The following AP3D1 variants were observed in gnomAD, a reference collection of about 807,000 sequenced individuals.
The protein encoded by AP3D1 is adaptor related protein complex 3 subunit delta 1.
Under a neutral mutation model 147.6 loss-of-function variants are expected in AP3D1, and 51 were observed. The ratio of observed to expected loss-of-function variants is 0.35; its 90% confidence interval spans 0.28 to 0.44. The LOEUF (loss-of-function observed/expected upper bound fraction) is 0.44, where lower values mean the gene tolerates loss of function less well. Among genes scored for constraint, AP3D1 ranks in the 20% least tolerant of loss-of-function variants. The probability of loss-of-function intolerance (pLI) is 1.00; values close to 1 mark genes in which losing one functional copy is unlikely to be tolerated. For synonymous variants in AP3D1, 760 were observed against 663.0 expected, an observed-to-expected ratio of 1.15 and a Z score of -2.25; for missense variants, 1,421 against 1,624.2, an observed-to-expected ratio of 0.87 and a Z score of 2.15.
intron 31 of AP3D1, among the ~76,000 whole-genome samples, chr19:2,106,754 G>A (rs1159269249): frequency 6.6e-6 from 1 of 152,164 alleles, no homozygotes; most frequent in Non-Finnish European, 1.5e-5. Context: ...AGGCTGCGAT[G>A]TGGATGCACC....
chr19:2,146,858 G>C (rs934913115), intron 1 of AP3D1, among the ~76,000 whole-genome samples: 8 of 152,110 alleles, frequency 5.3e-5, no homozygotes, highest in Non-Finnish European at 1.0e-4. Context: ...AGACATTCTG[G>C]TCTGGGCACA....
chr19:2,111,059 G>A, intron 26 of AP3D1, 163 bp from the exon 27 acceptor site: 1 of 927,086 alleles, frequency 1.1e-6, no homozygotes, highest in Non-Finnish European at 1.6e-6. Context: ...TCCTATGGCT[G>A]CTCTTTGAGT....
chr19:2,152,380 T>C (rs193134224), upstream of AP3D1, among the ~76,000 whole-genome samples: 4 of 151,650 alleles, frequency 2.6e-5, no homozygotes, highest in South Asian at 2.1e-4. Context: ...CTGTCTCTAC[T>C]AAAAATACAA....
At chr19:2,132,076 C>G (rs541551780) in intron 5 of AP3D1, among the ~76,000 whole-genome samples, 1 of 152,210 alleles carries the variant, frequency 6.6e-6, no homozygotes, top group South Asian at 2.1e-4. Flanking sequence ...CTGTCACAGC[C>G]GGGGGCGTAG....
Position 2,120,946 on chromosome 19 carries a change from GC to G in AP3D1, c.1396del (p.Ala466HisfsTer139), listed in dbSNP as rs750659514. ...CTGGGTGCTGCTGGCCAGCAGGTGT[GC>G]ACTGTCAAGCAGCGCAGACATCTGG... is the stretch of plus-strand genomic sequence containing the variant. The part of the protein sequence containing the change: ...VSQMSALLDS[A>X]HLLASSTQRN... On this transcript the variant is annotated frameshift_variant, in exon 14 of 32. Coordinates refer to ENST00000643116, the MANE Select transcript of AP3D1 (RefSeq NM_001261826.3). LOFTEE classifies it high-confidence loss of function. 1 of 1,612,012 alleles carries G rather than the reference GC, an allele frequency of 6.2e-7. No homozygotes were observed. Among genetic ancestry groups the G allele is most frequent in the Admixed American group, 1.7e-5 (1 of 60,028 alleles).
chr19:2,118,900 C>T lies in AP3D1; in HGVS notation c.1482-68G>A. Reference sequence around the variant, plus strand: ...GGGGCTCCTCTCTAGCAGGTGAGGACCTAGGAGGCCTGGGCTCGTCACCAA... The same window carrying T: ...GGGGCTCCTCTCTAGCAGGTGAGGATCTAGGAGGCCTGGGCTCGTCACCAA... On this transcript the variant is annotated intron_variant, in intron 14 of 31. Transcript: ENST00000643116. The T allele has an allele frequency of 2.1e-6, 3 of 1,443,494 alleles. No individual in the cohort carries two copies. The South Asian group carries it at 3.8e-5, about 18-fold the overall frequency. The allele number at this position is 1,443,494 out of a possible 1,614,324, so 89.4% of individuals were successfully genotyped here. A position where few individuals can be genotyped will look rare whatever the true frequency, so the allele number is the denominator to read the frequency against.
intron 9 of AP3D1, among the ~76,000 whole-genome samples, chr19:2,124,333 A>C (rs1383122518): frequency 6.6e-6 from 1 of 152,228 alleles, no homozygotes; most frequent in Non-Finnish European, 1.5e-5. Context: ...CACTGAAAGA[A>C]GGCTCTAGAA....
At chr19:2,130,664 C>A in intron 5 of AP3D1, 127 bp from the exon 6 acceptor site, 1 of 1,404,054 alleles carries the variant, frequency 7.1e-7, no homozygotes, top group Non-Finnish European at 9.7e-7. Context: ...CACACCAGTC[C>A]CAGGGGCCAC....
At chr19:2,110,665 C>T in intron 27 of AP3D1, 42 bp downstream of exon 27, 1 of 1,516,034 alleles carries the variant, frequency 6.6e-7, no homozygotes, top group South Asian at 1.2e-5. Flanking sequence ...CCACTGCGCT[C>T]CCACAGTCCC....
chr19:2,120,835 C>T, intron 14 of AP3D1, 27 bp downstream of exon 14: 11 of 1,592,574 alleles, frequency 6.9e-6, no homozygotes, highest in Non-Finnish European at 9.4e-6. Flanking sequence ...GAGAAGCTGC[C>T]AGCCCAGAGG....
chr19:2,128,128 T>C (rs375343191), intron 8 of AP3D1, among the ~76,000 whole-genome samples: 22 of 152,196 alleles, frequency 1.4e-4, no homozygotes, highest in Middle Eastern at 3.4e-3. Flanking sequence ...TCCCCTTCCC[T>C]GCAGTGGGGG....
intron 5 of AP3D1, among the ~76,000 whole-genome samples, chr19:2,131,997 G>T (rs1045765572): frequency 6.6e-6 from 1 of 152,238 alleles, no homozygotes; most frequent in South Asian, 2.1e-4. Flanking sequence ...CTCATGAGCT[G>T]GAGGTTAAGT....
rs2019688093 is a variant in AP3D1 at position 2,160,531 on chromosome 19, G to A, written c.-103+3825C>T. 2.0e-5 allele frequency among the ~76,000 whole-genome samples: 3 copies of A among 151,322 alleles called. No individual in the cohort carries two copies. In the South Asian group the frequency reaches 6.2e-4, roughly 31 times the overall value. On this transcript the variant is annotated intron_variant, in intron 1 of 14. Transcript: ENST00000643010. ...CCTAATGACAGAGCTAGACTCCTCC[G>A]TCTCAAAAAAAAAAAAGTGGGCGGA...
At chr19:2,117,161 C>A (rs1268181833) in intron 16 of AP3D1, 61 bp downstream of exon 16, 2 of 1,517,412 alleles carry the variant, frequency 1.3e-6, no homozygotes, top group African/African-American at 2.8e-5. Context: ...CGCTGTGCCA[C>A]CAGGCATCAA....
chr19:2,121,710 G>A (rs760822338), intron 12 of AP3D1, 24 bp downstream of exon 12: 38 of 1,551,064 alleles, frequency 2.4e-5, no homozygotes, highest in Non-Finnish European at 3.0e-5. Flanking sequence ...CCAGGCGGGC[G>A]GGCGGCGGAC....
intron 31 of AP3D1, among the ~76,000 whole-genome samples, chr19:2,107,367 C>T (rs1228587944): frequency 6.6e-6 from 1 of 152,040 alleles, no homozygotes; most frequent in South Asian, 2.1e-4. Flanking sequence ...GAAAGAAACA[C>T]GTGCAAACTG....
intron 22 of AP3D1, among the ~76,000 whole-genome samples, chr19:2,113,798 C>T (rs146302054): frequency 5.3e-5 from 8 of 152,352 alleles, no homozygotes; most frequent in African/African-American, 1.7e-4. Flanking sequence ...AATCTGCACA[C>T]AGACACTGCA....
chr19:2,132,048 G>A (rs908815855), intron 5 of AP3D1, among the ~76,000 whole-genome samples: 1 of 152,154 alleles, frequency 6.6e-6, no homozygotes, highest in Non-Finnish European at 1.5e-5. Context: ...AATTTCCAGG[G>A]GCTTCCCAGG....
chr19:2,145,934 C>G (rs374860724), intron 1 of AP3D1, among the ~76,000 whole-genome samples: 4 of 152,384 alleles, frequency 2.6e-5, no homozygotes, highest in South Asian at 4.1e-4. Flanking sequence ...GCTGACACTA[C>G]AGCTGCACCC....
Sources: gnomAD v4.1 joint callset for allele counts (sites outside exome capture counted in the v4.1 genomes callset) on GRCh38, gnomAD v4.1.1 for gene constraint, MANE v1.5 for transcripts, NCBI Gene and HGNC (gene_info 2026-07-23, HGNC 2026-07-21) for gene names.